SLC25A18: variants seen among roughly 807,000 people sequenced by gnomAD.
SLC25A18 encodes the protein mitochondrial glutamate carrier 2.
In SLC25A18, 24 loss-of-function variants were observed where a neutral mutation model predicts 31.1. The observed-to-expected ratio is 0.77, with a 90% CI of 0.56 to 1.08. The LOEUF is 1.08. Among genes scored for constraint, SLC25A18 ranks in the 50% least tolerant of loss-of-function variants. The probability of loss-of-function intolerance (pLI) is 0.00; values close to 1 mark genes in which losing one functional copy is unlikely to be tolerated. For synonymous variants in SLC25A18, 173 were observed against 161.9 expected, an observed-to-expected ratio of 1.07 and a Z score of -0.52; for missense variants, 371 against 418.5, an observed-to-expected ratio of 0.89 and a Z score of 0.99.
At chr22:17,588,214 G>A in intron 9 of SLC25A18, 135 bp downstream of exon 9, 1 of 955,610 alleles carries the variant, frequency 1.0e-6, no homozygotes, top group Non-Finnish European at 1.5e-6. Context: ...GGCCCTCATG[G>A]AGAAAGTGGG....
At chr22:17,568,179 A>G (rs1425405913) in intron 1 of SLC25A18, among the ~76,000 whole-genome samples, 1 of 151,956 alleles carries the variant, frequency 6.6e-6, no homozygotes. Flanking sequence ...CCTGGCTAAC[A>G]TGGTGAAACC....
At chr22:17,583,302 G>T in intron 6 of SLC25A18, 114 bp from the exon 7 acceptor site, 2 of 1,344,712 alleles carry the variant, frequency 1.5e-6, no homozygotes, top group Non-Finnish European at 1.0e-6. Context: ...GACCAGCTGG[G>T]TGAGTGGCAG....
At chr22:17,583,620 G>A in intron 7 of SLC25A18, 86 bp downstream of exon 7, 1 of 1,514,880 alleles carries the variant, frequency 6.6e-7, no homozygotes, top group Non-Finnish European at 8.9e-7. Context: ...TCATTTGCTA[G>A]GCTGTGTGAC....
rs751322090 is a variant in SLC25A18, at chr22:17,590,221, A to G, written c.933A>G (p.Leu311=). The change falls in exon 11 of 11, where the codon TTA becomes TTG. Residue 311 remains leucine (L), a synonymous_variant. Coordinates refer to ENST00000327451, the MANE Select transcript of SLC25A18 (RefSeq NM_031481.3). ...TTATTGGGATTGGAGAGCGCATCTT[A>G]AAGTGTTTTGACTAGACAGAGCTGG... The part of the protein sequence containing the change: ...VYFIGIGERI[L]KCFD 12 of 1,614,048 alleles carry G rather than the reference A, an allele frequency of 7.4e-6. No individual in the cohort carries two copies. Among genetic ancestry groups the G allele is most frequent in the Admixed American group, 6.7e-5 (4 of 60,006 alleles).
rs2057689347 is a variant in SLC25A18 at position 17,590,647 on chromosome 22, T to TAA, written c.*412_*413dup. The TAA allele has an allele frequency of 5.7e-6, 1 of 174,386 alleles. No homozygotes were observed. Among genetic ancestry groups the TAA allele is most frequent in the African/African-American group, 2.4e-5 (1 of 42,334 alleles). 10.8% of individuals were successfully genotyped at this position (174,386 alleles called of 1,614,324 possible). The stretch of plus-strand genomic sequence containing the variant: ...TTAGCATTGTTAATCTTGGACTCCA[T>TAA]AACTTATGAGTCCTAGCACTGATTT... On this transcript the variant is annotated 3_prime_UTR_variant, in exon 11 of 11. Transcript: ENST00000327451.
chr22:17,575,277 A>C (rs1248942087), intron 2 of SLC25A18, among the ~76,000 whole-genome samples: 1 of 152,182 alleles, frequency 6.6e-6, no homozygotes, highest in Non-Finnish European at 1.5e-5. Flanking sequence ...GGGTTTTAAA[A>C]ATGTATTTAT....
chr22:17,563,776 A>AG, intron 1 of SLC25A18, 63 bp downstream of exon 1: 1 of 943,696 alleles, frequency 1.1e-6, no homozygotes, highest in Non-Finnish European at 1.3e-6. Context: ...AGAAACCAAA[A>AG]GGGGGAAAAA....
rs1221045920 is a variant in SLC25A18 at position 17,587,943 on chromosome 22, C to G, written c.594C>G (p.Ile198Met). The G allele has an allele frequency of 6.2e-7, 1 of 1,614,172 alleles. No homozygotes were observed. Among genetic ancestry groups the G allele is most frequent in the Non-Finnish European group, 8.5e-7 (1 of 1,180,032 alleles). ...TCTGCAGAGACATTCCTTTCTCCAT[C>G]ATCTACTTCCCACTGTTTGCCAACC... ...ATLLRDIPFS[I>M]IYFPLFANLN... Residue 198 changes from isoleucine (I) to methionine (M), a missense_variant, in exon 9 of 11, where the codon ATC (isoleucine) becomes ATG (methionine). Ile to Met is a conservative substitution (Grantham distance 10). Coordinates refer to ENST00000327451, the MANE Select transcript of SLC25A18 (RefSeq NM_031481.3).
At chr22:17,568,299 T>A (rs370625392) in intron 1 of SLC25A18, among the ~76,000 whole-genome samples, 1 of 147,228 alleles carries the variant, frequency 6.8e-6, no homozygotes, top group Admixed American at 6.9e-5. Flanking sequence ...CGTGGGAGGC[T>A]GAGCTTGCAG....
chr22:17,586,660 C>A (rs1411201719), intron 7 of SLC25A18, among the ~76,000 whole-genome samples: 1 of 152,118 alleles, frequency 6.6e-6, no homozygotes, highest in African/African-American at 2.4e-5. Context: ...GTGCCTATAA[C>A]CCCAGCTACT....
At chr22:17,566,813 T>A (rs1181649861) in intron 1 of SLC25A18, among the ~76,000 whole-genome samples, 1 of 152,180 alleles carries the variant, frequency 6.6e-6, no homozygotes, top group Non-Finnish European at 1.5e-5. Flanking sequence ...GTCGGGTCCC[T>A]ACTCCATAGC....
intron 3 of SLC25A18, chr22:17,580,741 T>C: frequency 1.7e-6 from 2 of 1,154,208 alleles, no homozygotes; most frequent in Non-Finnish European, 2.1e-6. Flanking sequence ...CGGGGAAGCT[T>C]GGGGCAGAGC....
intron 2 of SLC25A18, among the ~76,000 whole-genome samples, chr22:17,572,876 C>G (rs548711743): frequency 3.9e-5 from 6 of 151,940 alleles, no homozygotes; most frequent in Non-Finnish European, 7.4e-5. Flanking sequence ...CTCCTGACCT[C>G]GTGATCCGCC....
Position 17,587,227 on chromosome 22 carries a change from C to A in SLC25A18, c.501C>A (p.Thr167=), listed in dbSNP as rs377553347. The A allele has an allele frequency of 6.8e-6, 11 of 1,614,030 alleles. No homozygotes were observed. In the African/African-American group the frequency reaches 9.3e-5, roughly 14 times the overall value. The change falls in exon 8 of 11, where the codon ACC becomes ACA. Residue 167 remains threonine (T), a synonymous_variant. Transcript: ENST00000327451. ...CCACCCACAGGCGCCCCTCTGCCAC[C>A]CTCATTGCCTGGGAGCTGCTCCGCA... The part of the protein sequence containing the change: ...SASTHRRPSA[T]LIAWELLRTQ...
chr22:17,584,350 G>A (rs972571473), intron 7 of SLC25A18, among the ~76,000 whole-genome samples: 6 of 147,868 alleles, frequency 4.1e-5, no homozygotes, highest in South Asian at 2.2e-4. Flanking sequence ...TGGAGCTTGC[G>A]CCACTGCACT....
At chr22:17,565,282 C>G (rs911714174) in intron 1 of SLC25A18, among the ~76,000 whole-genome samples, 12 of 152,014 alleles carry the variant, frequency 7.9e-5, no homozygotes, top group Non-Finnish European at 1.3e-4. Flanking sequence ...GGGGTTTTGC[C>G]ATGTTGGCCA....
chr22:17,580,559 C>G (rs983794048), intron 3 of SLC25A18: 8 of 990,180 alleles, frequency 8.1e-6, no homozygotes, highest in South Asian at 4.7e-5. Context: ...CATTCCCCCC[C>G]AGGCACGGTT....
At chr22:17,583,643 C>T in intron 7 of SLC25A18, 109 bp downstream of exon 7, 1 of 1,444,898 alleles carries the variant, frequency 6.9e-7, no homozygotes. Flanking sequence ...GTCAACTTTC[C>T]AAGCAGGTAG....
intron 7 of SLC25A18, among the ~76,000 whole-genome samples, chr22:17,584,652 T>C (rs1473249899): frequency 6.7e-6 from 1 of 149,968 alleles, no homozygotes; most frequent in African/African-American, 2.5e-5. Context: ...TGGTGGTGTG[T>C]GCCTATAATC....
Sources: gnomAD v4.1 joint callset for allele counts (sites outside exome capture counted in the v4.1 genomes callset) on GRCh38, gnomAD v4.1.1 for gene constraint, MANE v1.5 for transcripts, NCBI Gene and HGNC (gene_info 2026-07-23, HGNC 2026-07-21) for gene names.